PIGN: variants seen among roughly 807,000 people sequenced by gnomAD.
PIGN encodes the protein GPI ethanolamine phosphate transferase 1.
A neutral mutation model predicts 125.4 loss-of-function variants in PIGN; 117 were observed. The observed-to-expected ratio is 0.93, with a 90% confidence interval of 0.80 to 1.09. The LOEUF is 1.09. PIGN is among the 50% of genes least tolerant of loss of function. PIGN has a pLI of 0.00. For missense variants in PIGN, 1,075 were observed against 1,094.9 expected, an observed-to-expected ratio of 0.98 and a Z score of 0.26; for synonymous variants, 392 against 377.8, an observed-to-expected ratio of 1.04 and a Z score of -0.44.
At chr18:62,167,644 C>A (rs72945427) in intron 1 of PIGN, among the ~76,000 whole-genome samples, 178 of 138,288 alleles carry the variant, frequency 1.3e-3, no homozygotes, top group Admixed American at 4.4e-3. Flanking sequence ...AAAAAAAAAA[C>A]AAAAAAAAAA....
intron 21 of PIGN, 48 bp from the exon 22 acceptor site, chr18:62,101,231 A>G (rs1229596680): frequency 4.9e-6 from 5 of 1,026,380 alleles, no homozygotes; most frequent in Non-Finnish European, 7.5e-6. Flanking sequence ...GTAGTGAAAG[A>G]CTCTAACTAG....
At chr18:62,046,239 T>C (rs919793315) in intron 30 of PIGN, among the ~76,000 whole-genome samples, 4 of 152,056 alleles carry the variant, frequency 2.6e-5, no homozygotes, top group Admixed American at 6.5e-5. Context: ...GTCCCTGATA[T>C]AAAATGGTGC....
At chr18:62,169,037 TAG>T (rs1047816008) in intron 1 of PIGN, among the ~76,000 whole-genome samples, 2 of 152,002 alleles carry the variant, frequency 1.3e-5, no homozygotes, top group Non-Finnish European at 2.9e-5. Context: ...GTATTTTTAG[TAG>T]AGAGAGGGTT....
At chr18:62,020,095 G>A (rs1218975764) in intron 23 of PIGN, among the ~76,000 whole-genome samples, 4 of 152,132 alleles carry the variant, frequency 2.6e-5, no homozygotes, top group Non-Finnish European at 4.4e-5. Flanking sequence ...TCCTTTGTAG[G>A]ACAAAAAAGA....
intron 14 of PIGN, among the ~76,000 whole-genome samples, chr18:62,119,050 A>G (rs973641652): frequency 1.3e-5 from 2 of 152,094 alleles, no homozygotes; most frequent in African/African-American, 4.8e-5. Flanking sequence ...TCTAGATACT[A>G]CAAGGTCTGT....
At chr18:62,032,152 G>A (rs1472073587) in intron 23 of PIGN, among the ~76,000 whole-genome samples, 2 of 152,176 alleles carry the variant, frequency 1.3e-5, no homozygotes, top group African/African-American at 2.4e-5. Context: ...ATCCTTCATT[G>A]TATCTGCAGC....
chr18:62,168,282 C>A (rs1215302586), intron 1 of PIGN, among the ~76,000 whole-genome samples: 5 of 152,086 alleles, frequency 3.3e-5, no homozygotes, highest in African/African-American at 1.2e-4. Context: ...AGTAACCATG[C>A]TTTCTTTATT....
At position 62,114,592 on chromosome 18, in the gene PIGN, G is replaced by C; in HGVS notation, c.1220C>G (p.Ser407Cys). Reference sequence around the variant, plus strand: ...ATCAAACTTTCTGTGTTTTATATAAGATCTTGCTTTTCTTAAAATGTTGAA... The same window carrying C: ...ATCAAACTTTCTGTGTTTTATATAACATCTTGCTTTTCTTAAAATGTTGAA... ...KQFNILRKAR[S>C]YIKHRKFDEV... Residue 407 changes from serine to cysteine, a missense_variant, in exon 15 of 31, where the codon TCT becomes TGT. Around this residue, in one of 3 missense-constraint regions of PIGN, gnomAD observed 915 missense variants for 908.7 expected, o/e 1.01. Transcript: ENST00000640252. 6.6e-7 allele frequency: 1 copy of C among 1,522,236 alleles called. No homozygotes were observed. Among genetic ancestry groups the C allele is most frequent in the East Asian group, 2.5e-5 (1 of 40,762 alleles). 94.3% of individuals were successfully genotyped at this position (1,522,236 alleles called of 1,614,324 possible). A position where few individuals can be genotyped will look rare whatever the true frequency, so the allele number is the denominator to read the frequency against.
In PIGN at chr18:62,043,565, C is replaced by T. The variant is rs1349467763; in HGVS notation, c.*2291G>A. On this transcript the variant is annotated 3_prime_UTR_variant, in exon 31 of 31. Coordinates refer to ENST00000640252, the MANE Select transcript of PIGN (RefSeq NM_176787.5). ...TATCATTAATAAATAATTATAAAGA[C>T]ATTACTATGAAAATATACAATCATT... The T allele has an allele frequency of 6.6e-6, 1 of 152,068 alleles. No homozygotes were observed. Among genetic ancestry groups the T allele is most frequent in the East Asian group, 1.9e-4 (1 of 5,198 alleles). 9.4% of individuals were successfully genotyped at this position (152,068 alleles called of 1,614,324 possible).
chr18:62,054,560 T>C (rs1030922746), intron 30 of PIGN, among the ~76,000 whole-genome samples: 2 of 147,668 alleles, frequency 1.4e-5, no homozygotes, highest in Non-Finnish European at 3.0e-5. Context: ...GGTATGATCA[T>C]AGTTCACTGC....
intron 23 of PIGN, among the ~76,000 whole-genome samples, chr18:62,021,840 G>A (rs1281976675): frequency 6.6e-6 from 1 of 152,136 alleles, no homozygotes; most frequent in East Asian, 1.9e-4. Context: ...CTGAAATCAG[G>A]GTCTCGGCTG....
At chr18:62,119,303 C>A (rs1358630304) in intron 14 of PIGN, among the ~76,000 whole-genome samples, 1 of 151,834 alleles carries the variant, frequency 6.6e-6, no homozygotes, top group African/African-American at 2.4e-5. Flanking sequence ...AAAAAAGAAT[C>A]GAAACAAACT....
chr18:62,068,147 T>G (rs1237321799), intron 30 of PIGN, among the ~76,000 whole-genome samples: 1 of 152,172 alleles, frequency 6.6e-6, no homozygotes, highest in Non-Finnish European at 1.5e-5. Context: ...TCTTCTGGTT[T>G]TCTACTTGGA....
chr18:62,041,513 G>C lies in PIGN; in HGVS notation c.*4343C>G, dbSNP rs2030368322. The C allele has an allele frequency of 6.6e-6, 1 of 152,176 alleles. No individual in the cohort carries two copies. 9.4% of individuals were successfully genotyped at this position (152,176 alleles called of 1,614,324 possible). A position where few individuals can be genotyped will look rare whatever the true frequency, so the allele number is the denominator to read the frequency against. On this transcript the variant is annotated 3_prime_UTR_variant, in exon 31 of 31. Coordinates refer to ENST00000640252, the MANE Select transcript of PIGN (RefSeq NM_176787.5). ...TATGGAGACATTTCTTTTTGAGGCAGAGTCTCACTTTGTCGCCCAGAGTGG... is the reference window on the plus strand; with the variant it reads ...TATGGAGACATTTCTTTTTGAGGCACAGTCTCACTTTGTCGCCCAGAGTGG...
chr18:62,070,574 C>T (rs1234021615), intron 30 of PIGN: 1 of 397,206 alleles, frequency 2.5e-6, no homozygotes, highest in Non-Finnish European at 4.4e-6. Context: ...CATACAATTC[C>T]TGGCAACACA....
chr18:62,158,360 T>C (rs2036816662), intron 4 of PIGN, among the ~76,000 whole-genome samples: 1 of 152,180 alleles, frequency 6.6e-6, no homozygotes, highest in African/African-American at 2.4e-5. Flanking sequence ...GTAAAGGGTA[T>C]ACAGATGTTC....
At chr18:62,081,627 C>T (rs2033452894) in intron 28 of PIGN, among the ~76,000 whole-genome samples, 1 of 152,064 alleles carries the variant, frequency 6.6e-6, no homozygotes, top group South Asian at 2.1e-4. Flanking sequence ...TTTCTCATTC[C>T]ACATGTCCCC....
chr18:62,074,784 C>T lies in PIGN; in HGVS notation c.2614G>A (p.Ala872Thr). 6.2e-7 allele frequency: 1 copy of T among 1,602,636 alleles called. No individual in the cohort carries two copies. The highest frequency in any genetic ancestry group is 1.1e-5 in the South Asian group (1 of 90,208). ...LIVLVISDIM[A>T]LHFFFLVKDY... The stretch of plus-strand genomic sequence containing the variant: ...ACTACCCAGTAATGCCTTACCAAAG[C>T]CATAATGTCTGATATGACGAGAACA... Residue 872 changes from alanine to threonine, a missense_variant, in exon 29 of 31, where the codon GCT becomes ACT. Transcript: ENST00000640252.
At chr18:62,152,671 AATACT>A (rs1454070833) in intron 7 of PIGN, among the ~76,000 whole-genome samples, 1 of 152,078 alleles carries the variant, frequency 6.6e-6, no homozygotes, top group Non-Finnish European at 1.5e-5. Context: ...GTAATTTTTG[AATACT>A]ATACTGAAAG....
Sources: gnomAD v4.1 joint callset for allele counts (sites outside exome capture counted in the v4.1 genomes callset) on GRCh38, gnomAD v4.1.1 for gene constraint, gnomAD v4.1.1 regional missense constraint, MANE v1.5 for transcripts, NCBI Gene and HGNC (gene_info 2026-07-23, HGNC 2026-07-21) for gene names.